Variants in HDAC7 observed in about 807,000 individuals in gnomAD.
HDAC7 encodes histone deacetylase 7A.
HDAC7 carries 26 observed loss-of-function variants against 115.5 expected under a neutral mutation model. That is an observed-to-expected ratio of 0.23 (90% CI 0.16 to 0.31). The LOEUF (loss-of-function observed/expected upper bound fraction) is 0.31. Among genes scored for constraint, HDAC7 ranks in the 10% least tolerant of loss-of-function variants. The pLI, the probability that HDAC7 is intolerant of heterozygous loss-of-function variation, is 1.00. For missense variants in HDAC7, 1,068 were observed against 1,329.0 expected, an observed-to-expected ratio of 0.80 and a Z score of 3.05; for synonymous variants, 564 against 550.9, an observed-to-expected ratio of 1.02 and a Z score of -0.33.
rs373541992 is a variant in HDAC7, at chr12:47,797,007, C to T, written c.703+10G>A. ...AGGATGGCAACCGCACTGGCTCAGC[C>T]GGCCCTCACCTCCGAGGGTCTCTGC... is the stretch of plus-strand genomic sequence containing the variant. On this transcript the variant is annotated intron_variant, in intron 7 of 25. Coordinates refer to ENST00000080059, the MANE Select transcript of HDAC7 (RefSeq NM_015401.5). The surrounding 1 kb of genome is among the most constrained non-coding windows in gnomAD (Gnocchi z 5.5). 2.7e-5 allele frequency: 42 copies of T among 1,535,420 alleles called. No individual in the cohort carries two copies. The highest frequency in any genetic ancestry group is 2.3e-4 in the Admixed American group (11 of 47,564).
In HDAC7 at chr12:47,816,876, C is replaced by A. The variant is rs1022688794; in HGVS notation, c.19+2891G>T. On this transcript the variant is annotated intron_variant, in intron 1 of 25. Transcript: ENST00000080059. Reference sequence around the variant, plus strand: ...TCCCCTCTTTCCCTCTCCCTTCCCCCCAGAAGACGCCAAAGGGCCTTCCCC... The same window carrying A: ...TCCCCTCTTTCCCTCTCCCTTCCCCACAGAAGACGCCAAAGGGCCTTCCCC... Among the ~76,000 whole-genome samples, 5 of 152,172 alleles carry A rather than the reference C, an allele frequency of 3.3e-5. No individual in the cohort carries two copies. In the East Asian group the frequency reaches 9.6e-4, roughly 29 times the overall value.
chr12:47,795,617 G>C lies in HDAC7; in HGVS notation c.1057C>G (p.Pro353Ala), dbSNP rs114461201. 485 of 1,561,262 alleles carry C rather than the reference G, an allele frequency of 3.1e-4. 2 individuals are homozygous for C. In the African/African-American group the frequency reaches 6.1e-3, roughly 20 times the overall value. ...SRLQPILLLD[P>A]SGSHAPLLTV... ...AGCAGCGGGGCATGAGAGCCTGAGG[G>C]GTCCAGGAGGAGAATGGGCTGCAGG... is the stretch of plus-strand genomic sequence containing the variant. Residue 353 changes from proline (P) to alanine (A), a missense_variant, in exon 10 of 26, where the codon CCC (proline) becomes GCC (alanine). By Grantham distance (27) the Pro-to-Ala change is conservative (BLOSUM62 -1). Around this residue, in one of 6 missense-constraint regions of HDAC7, gnomAD observed 618 missense variants for 701.5 expected, o/e 0.88. Coordinates refer to ENST00000080059, the MANE Select transcript of HDAC7 (RefSeq NM_015401.5). This position sits in a 1 kb window ranked among gnomAD's most constrained non-coding sequence, Gnocchi z 4.3.
At chr12:47,819,520 G>C (rs1359555097) in intron 1 of HDAC7, among the ~76,000 whole-genome samples, 5 of 151,792 alleles carry the variant, frequency 3.3e-5, no homozygotes, top group African/African-American at 4.8e-5. Flanking sequence ...GGATGTGGGC[G>C]CCCCGCGGGA....
rs1475238433 is a variant in HDAC7, at chr12:47,793,463, G to A, written c.1584C>T (p.Ala528=). The A allele has an allele frequency of 2.7e-5, 42 of 1,554,634 alleles. No homozygotes were observed. The highest frequency in any genetic ancestry group is 3.3e-5 in the Non-Finnish European group (38 of 1,149,366). ...RPLSRAQSSP[A]APASLSAPEP... ...CTGGGGCTGACAGTGAGGCAGGTGC[G>A]GCTGGGGAAGACTGAGCCCGGGACA... Residue 528 remains alanine (A), a synonymous_variant, in exon 13 of 26, where the codon GCC becomes GCT. Coordinates refer to ENST00000080059, the MANE Select transcript of HDAC7 (RefSeq NM_015401.5). This position sits in a 1 kb window ranked among gnomAD's most constrained non-coding sequence, Gnocchi z 4.5.
chr12:47,806,507 G>A (rs141780254), intron 1 of HDAC7, among the ~76,000 whole-genome samples: 50 of 152,262 alleles, frequency 3.3e-4, no homozygotes, highest in African/African-American at 1.2e-3. Flanking sequence ...TGGCCGACAT[G>A]GTGAAATCCC....
Position 47,793,879 on chromosome 12 carries a change from G to C in HDAC7, c.1459-291C>G, listed in dbSNP as rs1182048158. ...GGGGCGCTGGATCTTGTGCTGACCA[G>C]GATGTCCTCCTGTCCTGGACTATGT... On this transcript the variant is annotated intron_variant, in intron 12 of 25. Coordinates refer to ENST00000080059, the MANE Select transcript of HDAC7 (RefSeq NM_015401.5). This position sits in a 1 kb window ranked among gnomAD's most constrained non-coding sequence, Gnocchi z 4.5. Among the ~76,000 whole-genome samples the C allele has an allele frequency of 6.6e-6, 1 of 152,188 alleles. No individual in the cohort carries two copies. The highest frequency in any genetic ancestry group is 2.4e-5 in the African/African-American group (1 of 41,424).
intron 17 of HDAC7, 53 bp downstream of exon 17, chr12:47,789,760 C>A: frequency 6.9e-7 from 1 of 1,452,380 alleles, no homozygotes; most frequent in Admixed American, 1.7e-5. Flanking sequence ...TCCCCACTAC[C>A]CCACTCTGCT....
At position 47,791,933 on chromosome 12, in the gene HDAC7, C is replaced by T; in HGVS notation, c.1750G>A (p.Ala584Thr). The change falls in exon 14 of 26, where the codon GCC becomes ACC. Residue 584 changes from alanine (A) to threonine (T), a missense_variant. Ala to Thr is a moderately conservative substitution (Grantham distance 58). Around this residue, in one of 6 missense-constraint regions of HDAC7, gnomAD observed 618 missense variants for 701.5 expected, o/e 0.88. Coordinates refer to ENST00000080059, the MANE Select transcript of HDAC7 (RefSeq NM_015401.5). ...CGDNSRHPEH[A>T]GRIQSIWSRL... The stretch of plus-strand genomic sequence containing the variant: ...GACCAGATGCTCTGGATGCGGCCGG[C>T]GTGCTCCGGGTGCCTGCTGTTGTCA... 1 of 1,610,702 alleles carries T rather than the reference C, an allele frequency of 6.2e-7. No homozygotes were observed.
rs924856951 is a variant in HDAC7 at position 47,809,680 on chromosome 12, C to T, written c.20-7406G>A. Reference sequence around the variant, plus strand: ...CTGCCTCCCGGGTTCAAGTGATTCTCCTGCCTCAGCCTCCTAAGTAGCTGG... The same window carrying T: ...CTGCCTCCCGGGTTCAAGTGATTCTTCTGCCTCAGCCTCCTAAGTAGCTGG... On this transcript the variant is annotated intron_variant, in intron 1 of 25. Transcript: ENST00000080059. Among the ~76,000 whole-genome samples, 4 of 152,146 alleles carry T rather than the reference C, an allele frequency of 2.6e-5. No individual in the cohort carries two copies. In the East Asian group the frequency reaches 7.7e-4, roughly 29 times the overall value.
At position 47,793,715 on chromosome 12, in the gene HDAC7, G is replaced by C. The variant is rs1943657784; in HGVS notation, c.1459-127C>G. ...GAGATTCCAGGATAAACCTAGACCTGCTGTCCAGTGGGGCTCTGGCCTTTG... is the reference window on the plus strand; with the variant it reads ...GAGATTCCAGGATAAACCTAGACCTCCTGTCCAGTGGGGCTCTGGCCTTTG... On this transcript the variant is annotated intron_variant, in intron 12 of 25. Transcript: ENST00000080059. The surrounding 1 kb of genome is among the most constrained non-coding windows in gnomAD (Gnocchi z 4.5). The C allele has an allele frequency of 1.4e-6, 1 of 710,332 alleles. No homozygotes were observed. The highest frequency in any genetic ancestry group is 2.2e-6 in the Non-Finnish European group (1 of 447,582). 44.0% of individuals were successfully genotyped at this position (710,332 alleles called of 1,614,324 possible).
intron 24 of HDAC7, 46 bp from the exon 25 acceptor site, chr12:47,784,263 C>T: frequency 1.3e-6 from 2 of 1,574,128 alleles, no homozygotes; most frequent in Middle Eastern, 1.7e-4. Flanking sequence ...AAGCAAGCCC[C>T]TCCACACTGC....
In HDAC7 at chr12:47,784,396, A is replaced by G. The variant is rs575616579; in HGVS notation, c.2792-179T>C. On this transcript the variant is annotated intron_variant, in intron 24 of 25. Transcript: ENST00000080059. ...CCTCACTTCGCTCCCACTCCCGCAC[A>G]GCCTGACAGGGTACACAGAGTGGGT... 6.2e-5 allele frequency: 41 copies of G among 662,620 alleles called. No homozygotes were observed. In the Admixed American group the frequency reaches 9.2e-4, roughly 15 times the overall value. 41.0% of individuals were successfully genotyped at this position (662,620 alleles called of 1,614,324 possible).
chr12:47,806,401 G>A (rs946931103), intron 1 of HDAC7, among the ~76,000 whole-genome samples: 2 of 152,244 alleles, frequency 1.3e-5, no homozygotes, highest in Non-Finnish European at 2.9e-5. Context: ...TTCAGGCTGG[G>A]CGAGGTGGCT....
Position 47,797,744 on chromosome 12 carries a change from C to T in HDAC7, c.462-245G>A, listed in dbSNP as rs1465941106. 6.6e-5 allele frequency among the ~76,000 whole-genome samples: 10 copies of T among 152,140 alleles called. No homozygotes were observed. The highest frequency in any genetic ancestry group is 1.5e-4 in the Non-Finnish European group (10 of 68,012). On this transcript the variant is annotated intron_variant, in intron 5 of 25. Coordinates refer to ENST00000080059, the MANE Select transcript of HDAC7 (RefSeq NM_015401.5). This position sits in a 1 kb window ranked among gnomAD's most constrained non-coding sequence, Gnocchi z 5.5. ...GCTTGGTGCGTGGGTGAAGAGCCCA[C>T]TGGGGGCTCTGTCACCTGCACTAGG...
chr12:47,819,416 C>T (rs565632597), intron 1 of HDAC7, among the ~76,000 whole-genome samples: 2 of 152,342 alleles, frequency 1.3e-5, no homozygotes, highest in South Asian at 4.1e-4. Flanking sequence ...GCTCGTCCTC[C>T]CCGGGAACAG....
intron 20 of HDAC7, 26 bp from the exon 21 acceptor site, chr12:47,787,835 A>T: frequency 1.3e-6 from 2 of 1,598,546 alleles, no homozygotes; most frequent in Non-Finnish European, 1.7e-6. Flanking sequence ...CAAGAGAGAC[A>T]TGAGGACAGC....
At chr12:47,786,917 T>C (rs1943200280) in intron 21 of HDAC7, among the ~76,000 whole-genome samples, 1 of 152,100 alleles carries the variant, frequency 6.6e-6, no homozygotes, top group South Asian at 2.1e-4. Context: ...GGGACTTAAC[T>C]AGCAAGAGGC....
Position 47,797,301 on chromosome 12 carries a change from C to T in HDAC7, c.577+83G>A. The T allele has an allele frequency of 2.9e-6, 4 of 1,396,292 alleles. No individual in the cohort carries two copies. Among genetic ancestry groups the T allele is most frequent in the Non-Finnish European group, 4.0e-6 (4 of 995,294 alleles). 86.5% of individuals were successfully genotyped at this position (1,396,292 alleles called of 1,614,324 possible). A position where few individuals can be genotyped will look rare whatever the true frequency, so the allele number is the denominator to read the frequency against. On this transcript the variant is annotated intron_variant, in intron 6 of 25. Coordinates refer to ENST00000080059, the MANE Select transcript of HDAC7 (RefSeq NM_015401.5). This position sits in a 1 kb window ranked among gnomAD's most constrained non-coding sequence, Gnocchi z 5.5. ...TGATCTCCTGGCCCAGCCCAGCCCG[C>T]CCACCCCTGCACACTCCTCCCCCAT... is the stretch of plus-strand genomic sequence containing the variant.
chr12:47,797,000 G>A lies in HDAC7; in HGVS notation c.703+17C>T. On this transcript the variant is annotated intron_variant, in intron 7 of 25. Transcript: ENST00000080059. ...AGGTTTGAGGATGGCAACCGCACTG[G>A]CTCAGCCGGCCCTCACCTCCGAGGG... 6.5e-7 allele frequency: 1 copy of A among 1,528,792 alleles called. No homozygotes were observed. The highest frequency in any genetic ancestry group is 8.8e-7 in the Non-Finnish European group (1 of 1,142,632). 94.7% of individuals were successfully genotyped at this position (1,528,792 alleles called of 1,614,324 possible). A position where few individuals can be genotyped will look rare whatever the true frequency, so the allele number is the denominator to read the frequency against.
Sources: gnomAD v4.1 joint callset for allele counts (sites outside exome capture counted in the v4.1 genomes callset) on GRCh38, gnomAD v4.1.1 for gene constraint, gnomAD v4.1.1 regional missense constraint, Gnocchi (gnomAD v3.1) non-coding constraint, MANE v1.5 for transcripts, NCBI Gene and HGNC (gene_info 2026-07-23, HGNC 2026-07-21) for gene names.